The following THYN1 variants were observed in gnomAD, a reference collection of about 807,000 sequenced individuals.
THYN1 encodes thymocyte nuclear protein 1, also known as thymocyte protein thy28.
In THYN1, 32 loss-of-function variants were observed where a neutral mutation model predicts 30.6. The observed-to-expected ratio is 1.05, with a 90% CI of 0.79 to 1.40. The LOEUF is 1.40. THYN1 is among the 40% of genes most tolerant of loss of function. The pLI is 0.00. For synonymous variants in THYN1, 107 were observed against 90.8 expected (o/e 1.18, Z -1.01); for missense variants, 259 against 272.6 (o/e 0.95, Z 0.35).
intron 5 of THYN1, 82 bp downstream of exon 5, chr11:134,249,085 A>G: frequency 6.5e-7 from 1 of 1,546,466 alleles, no homozygotes; most frequent in Non-Finnish European, 8.8e-7. Context: ...TGGGCCGTGT[A>G]CCTTGACCTA....
Position 134,252,839 on chromosome 11 carries a change from C to A in THYN1, c.43+1G>T, listed in dbSNP as rs746611733. ...CTTTGTGCAGCCTAGGGGCAGCTCA[C>A]CTGAACCAGAAGTCCCAGCCAGCCT... On this transcript the variant is annotated splice_donor_variant, in intron 1 of 6. Coordinates refer to ENST00000341541, the MANE Select transcript of THYN1 (RefSeq NM_014174.3). LOFTEE classifies it high-confidence loss of function. The A allele has an allele frequency of 6.2e-7, 1 of 1,612,942 alleles. No homozygotes were observed. Among genetic ancestry groups the A allele is most frequent in the Non-Finnish European group, 8.5e-7 (1 of 1,179,702 alleles).
Position 134,253,127 on chromosome 11 carries a change from T to C in THYN1, c.-245A>G. On this transcript the variant is annotated 5_prime_UTR_variant, in exon 1 of 7. Coordinates refer to ENST00000341541, the MANE Select transcript of THYN1 (RefSeq NM_014174.3). ...AAACTCTTCTCGGTTCTGTCCTTGGTCCTTCTCATCCAGGAACCCCTATCT... is the reference window on the plus strand; with the variant it reads ...AAACTCTTCTCGGTTCTGTCCTTGGCCCTTCTCATCCAGGAACCCCTATCT... 1 of 1,360,888 alleles carries C rather than the reference T, an allele frequency of 7.3e-7. No individual in the cohort carries two copies. The highest frequency in any genetic ancestry group is 1.8e-5 in the South Asian group (1 of 54,222). 84.3% of individuals were successfully genotyped at this position (1,360,888 alleles called of 1,614,324 possible).
intron 2 of THYN1, 149 bp from the exon 3 acceptor site, chr11:134,250,492 A>C: frequency 3.8e-6 from 3 of 790,580 alleles, no homozygotes; most frequent in Non-Finnish European, 6.1e-6. Context: ...CTCCACAGAG[A>C]CACTTTTGCT....
At chr11:134,252,277 A>C (rs1939112447) in intron 1 of THYN1, among the ~76,000 whole-genome samples, 2 of 152,198 alleles carry the variant, frequency 1.3e-5, no homozygotes, top group African/African-American at 4.8e-5. Flanking sequence ...ATATTGATAA[A>C]TAACTGCAAT....
At chr11:134,248,621 C>A in intron 6 of THYN1, 137 bp from the exon 7 acceptor site, 1 of 1,353,718 alleles carries the variant, frequency 7.4e-7, no homozygotes, top group Non-Finnish European at 1.0e-6. Context: ...TACCAGGTGC[C>A]AAGCACTATA....
chr11:134,252,917 C>G lies in THYN1; in HGVS notation c.-35G>C. The G allele has an allele frequency of 6.4e-7, 1 of 1,551,418 alleles. No homozygotes were observed. Among genetic ancestry groups the G allele is most frequent in the Non-Finnish European group, 8.7e-7 (1 of 1,153,466 alleles). On this transcript the variant is annotated 5_prime_UTR_variant, in exon 1 of 7. Transcript: ENST00000341541. ...GCAGGGGACTTTAGTGCGGACGATT[C>G]TGGAATCAACGGAGATACAAGAAAG...
chr11:134,249,180 G>A lies in THYN1; in HGVS notation c.467C>T (p.Pro156Leu), dbSNP rs1938929297. The change falls in exon 5 of 7, where the codon CCT becomes CTT. Residue 156 changes from proline (P) to leucine (L), a missense_variant. Physicochemically the swap from Pro to Leu is moderately conservative, Grantham distance 98 (BLOSUM62 -3). Coordinates refer to ENST00000341541, the MANE Select transcript of THYN1 (RefSeq NM_014174.3). ...CATAGTCTTTACCATGGACCACTTA[G>A]GGTTGTCCTCTTTGCTAGATGGGTC... is the stretch of plus-strand genomic sequence containing the variant. ...HYDPSSKEDN[P>L]KWSMVDVQFV... The A allele has an allele frequency of 1.9e-6, 3 of 1,613,662 alleles. No homozygotes were observed. The highest frequency in any genetic ancestry group is 4.5e-5 in the East Asian group (2 of 44,872).
In THYN1 at chr11:134,248,896, G is replaced by A. The variant is rs202070344; in HGVS notation, c.544C>T (p.His182Tyr). ...FIPLAELKSYHQAHKATGGPL... is the reference protein window; with the variant it reads ...FIPLAELKSYYQAHKATGGPL... ...CCACCAGTAGCTTTGTGAGCTTGAT[G>A]ATAGGATTTGAGCTCAGCCAGGGGA... is the stretch of plus-strand genomic sequence containing the variant. Residue 182 changes from histidine (H) to tyrosine (Y), a missense_variant, in exon 6 of 7, where the codon CAT becomes TAT. His to Tyr is a moderately conservative substitution (Grantham distance 83). Transcript: ENST00000341541. The A allele has an allele frequency of 6.2e-7, 1 of 1,614,202 alleles. No homozygotes were observed. The highest frequency in any genetic ancestry group is 1.7e-5 in the Admixed American group (1 of 60,024).
At chr11:134,249,346 C>T in intron 4 of THYN1, 84 bp from the exon 5 acceptor site, 2 of 1,359,926 alleles carry the variant, frequency 1.5e-6, no homozygotes, top group East Asian at 2.3e-5. Flanking sequence ...ACTTTCATTT[C>T]TTCCCTGCAC....
In THYN1 at chr11:134,251,212, T is replaced by G; in HGVS notation, c.140A>C (p.Lys47Thr). The change falls in exon 2 of 7, where the codon AAA becomes ACA. Residue 47 changes from lysine to threonine, a missense_variant. Coordinates refer to ENST00000341541, the MANE Select transcript of THYN1 (RefSeq NM_014174.3). Reference protein sequence around the residue: ...DSNPQKTSATKNCLKNLSSHW... With the variant: ...DSNPQKTSATTNCLKNLSSHW... ...GCTGCTTAGATTCTTCAAACAGTTT[T>G]TAGTGGCTGAAGTCTTCTGAGGGTT... 6.2e-7 allele frequency: 1 copy of G among 1,614,210 alleles called. No homozygotes were observed. Among genetic ancestry groups the G allele is most frequent in the Non-Finnish European group, 8.5e-7 (1 of 1,180,020 alleles).
chr11:134,249,667 T>C (rs1274991681), intron 4 of THYN1, among the ~76,000 whole-genome samples, 161 bp downstream of exon 4: 2 of 151,198 alleles, frequency 1.3e-5, no homozygotes, highest in African/African-American at 4.9e-5. Flanking sequence ...AGTTATCAGA[T>C]AGGAAGGGGC....
chr11:134,252,580 G>C (rs1357604141), intron 1 of THYN1, among the ~76,000 whole-genome samples: 1 of 152,096 alleles, frequency 6.6e-6, no homozygotes, highest in Admixed American at 6.5e-5. Context: ...GCAAGCAGGC[G>C]CTTTATATTC....
chr11:134,252,189 G>A (rs1425063950), intron 1 of THYN1, among the ~76,000 whole-genome samples: 1 of 152,126 alleles, frequency 6.6e-6, no homozygotes, highest in Non-Finnish European at 1.5e-5. Flanking sequence ...GCTGTCTAAT[G>A]CTCTGAACCC....
At chr11:134,250,846 C>G (rs977911692) in intron 2 of THYN1, among the ~76,000 whole-genome samples, 2 of 152,102 alleles carry the variant, frequency 1.3e-5, no homozygotes, top group African/African-American at 4.8e-5. Flanking sequence ...TTATCTGTGG[C>G]CACTCTCTTG....
intron 1 of THYN1, among the ~76,000 whole-genome samples, chr11:134,252,377 G>A (rs1052743246): frequency 1.3e-5 from 2 of 152,120 alleles, no homozygotes; most frequent in African/African-American, 4.8e-5. Flanking sequence ...CACTTAGAAT[G>A]CCATCCATCT....
At chr11:134,248,586 G>A (rs1003860200) in intron 6 of THYN1, 102 bp from the exon 7 acceptor site, 86 of 1,463,394 alleles carry the variant, frequency 5.9e-5, no homozygotes, top group Admixed American at 3.5e-4. Context: ...GTACTAAGGC[G>A]AGCAGTCATT....
At position 134,248,846 on chromosome 11, in the gene THYN1, G is replaced by T. The variant is rs558368911; in HGVS notation, c.594C>A (p.Phe198Leu). The T allele has an allele frequency of 6.2e-7, 1 of 1,614,224 alleles. No homozygotes were observed. The highest frequency in any genetic ancestry group is 2.2e-5 in the East Asian group (1 of 44,884). Residue 198 changes from phenylalanine (F) to leucine (L), a missense_variant, in exon 6 of 7, where the codon TTC becomes TTA. By Grantham distance (22) the Phe-to-Leu change is conservative. Coordinates refer to ENST00000341541, the MANE Select transcript of THYN1 (RefSeq NM_014174.3). ...GCTGGATTGATAATCTCTGGCGAGT[G>T]AAGAGAACCATATTTTTTAAGGGGC... The part of the protein sequence containing the change: ...TGGPLKNMVL[F>L]TRQRLSIQPL...
intron 6 of THYN1, 137 bp from the exon 7 acceptor site, chr11:134,248,621 C>T: frequency 3.7e-6 from 5 of 1,353,718 alleles, no homozygotes; most frequent in Non-Finnish European, 5.2e-6. Flanking sequence ...TACCAGGTGC[C>T]AAGCACTATA....
Position 134,249,136 on chromosome 11 carries a change from CCT to C in THYN1, c.480+29_480+30del, listed in dbSNP as rs748470665. ...TCTTCTTCCCCTGGTTCATCCTTCC[CCT>C]GTCATGAAATAGAAAGCATAGTCTT... On this transcript the variant is annotated intron_variant, in intron 5 of 6. Coordinates refer to ENST00000341541, the MANE Select transcript of THYN1 (RefSeq NM_014174.3). The C allele has an allele frequency of 4.9e-5, 78 of 1,597,380 alleles. No homozygotes were observed. In the Admixed American group the frequency reaches 6.0e-4, roughly 12 times the overall value.
Sources: gnomAD v4.1 joint callset for allele counts (sites outside exome capture counted in the v4.1 genomes callset) on GRCh38, gnomAD v4.1.1 for gene constraint, MANE v1.5 for transcripts, NCBI Gene and HGNC (gene_info 2026-07-23, HGNC 2026-07-21) for gene names.